The following AIRIM variants were observed in gnomAD, a reference collection of about 807,000 sequenced individuals.
AIRIM encodes the protein AFG2-interacting ribosome maturation factor.
At chr1:37,687,421 C>T in the AIRIM span, among the ~76,000 whole-genome samples, 2 of 151,204 alleles carry the variant, frequency 1.3e-5, no homozygotes, top group Non-Finnish European at 2.9e-5. Flanking sequence ...CATGAGCCAC[C>T]GTGCCCAGCT....
chr1:37,687,382 T>A, the AIRIM span, among the ~76,000 whole-genome samples: 13 of 151,672 alleles, frequency 8.6e-5, no homozygotes, highest in South Asian at 2.5e-3. Context: ...TCCACCTACC[T>A]CGGCCTCCCA....
chr1:37,683,487 GA>G, the AIRIM span: 14 of 1,563,222 alleles, frequency 9.0e-6, no homozygotes, highest in Middle Eastern at 1.7e-4. Flanking sequence ...ATGCTGAAGT[GA>G]AAAAAAACAC....
the AIRIM span, chr1:37,690,482 G>A: frequency 7.2e-6 from 9 of 1,247,004 alleles, no homozygotes; most frequent in Non-Finnish European, 9.3e-6. Context: ...GCCAAAGCGT[G>A]AGAACCCTCC....
the AIRIM span, among the ~76,000 whole-genome samples, chr1:37,684,371 C>T: frequency 5.3e-5 from 8 of 152,102 alleles, no homozygotes; most frequent in African/African-American, 1.2e-4. Flanking sequence ...CGCGGTGGCT[C>T]GAGCCTGTAA....
At chr1:37,686,707 C>T in the AIRIM span, among the ~76,000 whole-genome samples, 1 of 152,166 alleles carries the variant, frequency 6.6e-6, no homozygotes, top group Admixed American at 6.5e-5. Context: ...CATAGAAAAA[C>T]CATCTCCAAT....
chr1:37,683,429 T>C, the AIRIM span: 1 of 1,613,616 alleles, frequency 6.2e-7, no homozygotes, highest in Non-Finnish European at 8.5e-7. Context: ...ATACTTTCTC[T>C]TCAGGTACCT....
chr1:37,686,528 G>T, the AIRIM span: 1 of 1,407,690 alleles, frequency 7.1e-7, no homozygotes, highest in Non-Finnish European at 9.7e-7. Flanking sequence ...TGGCACTACT[G>T]ATATTTTGGA....
At chr1:37,686,986 G>T in the AIRIM span, among the ~76,000 whole-genome samples, 1 of 151,686 alleles carries the variant, frequency 6.6e-6, no homozygotes, top group Admixed American at 6.6e-5. Flanking sequence ...GAACCCAGAG[G>T]CAGAGGTTGC....
At chr1:37,689,786 A>C in the AIRIM span, 1 of 1,613,120 alleles carries the variant, frequency 6.2e-7, no homozygotes, top group Non-Finnish European at 8.5e-7. Flanking sequence ...GCAGTCCCGC[A>C]GGGCACTCTG....
At chr1:37,688,852 G>C in the AIRIM span, among the ~76,000 whole-genome samples, 4 of 151,882 alleles carry the variant, frequency 2.6e-5, no homozygotes, top group African/African-American at 9.7e-5. Flanking sequence ...TGTTGTCCCA[G>C]GTACTTGGGG....
At chr1:37,683,318 C>A in the AIRIM span, 2 of 1,614,010 alleles carry the variant, frequency 1.2e-6, no homozygotes, top group Non-Finnish European at 1.7e-6. Context: ...CAAACCAGTA[C>A]CTTGTACAAG....
the AIRIM span, among the ~76,000 whole-genome samples, chr1:37,684,796 T>C: frequency 2.0e-5 from 3 of 151,936 alleles, no homozygotes; most frequent in South Asian, 4.2e-4. Context: ...ACAAGAAAAG[T>C]TGGGGTTTGG....
the AIRIM span, chr1:37,686,378 G>A: frequency 6.2e-7 from 1 of 1,614,154 alleles, no homozygotes; most frequent in South Asian, 1.1e-5. Context: ...AACTGTGTCT[G>A]CGTGTTGCTC....
chr1:37,686,346 G>C, the AIRIM span: 1 of 1,614,094 alleles, frequency 6.2e-7, no homozygotes, highest in Non-Finnish European at 8.5e-7. Flanking sequence ...ACTGCTGAAG[G>C]CTGCAGGACA....
At chr1:37,688,081 G>C in the AIRIM span, among the ~76,000 whole-genome samples, 1 of 151,476 alleles carries the variant, frequency 6.6e-6, no homozygotes, top group Non-Finnish European at 1.5e-5. Context: ...TTTTGAGACA[G>C]AGTCTTGCTC....
the AIRIM span, chr1:37,690,312 G>A: frequency 7.7e-7 from 1 of 1,290,928 alleles, no homozygotes. Context: ...GGAGACCCTG[G>A]TTTCCCCTCG....
At chr1:37,687,114 AGTTTTT>A in the AIRIM span, among the ~76,000 whole-genome samples, 6 of 132,098 alleles carry the variant, frequency 4.5e-5, no homozygotes, top group Admixed American at 7.7e-5. Context: ...GTGTGTGTAT[AGTTTTT>A]GTTTTTGTTT....
At chr1:37,682,928 C>T in the AIRIM span, 4 of 605,712 alleles carry the variant, frequency 6.6e-6, no homozygotes, top group South Asian at 2.0e-5. Context: ...ATACTCTCAG[C>T]CACGGCCTGG....
At chr1:37,689,954 A>T in the AIRIM span, 5 of 1,475,314 alleles carry the variant, frequency 3.4e-6, no homozygotes, top group Non-Finnish European at 4.5e-6. Flanking sequence ...CACTGGGTCG[A>T]GGGTGGGCGT....
Sources: gnomAD v4.1 joint callset for allele counts (sites outside exome capture counted in the v4.1 genomes callset) on GRCh38, gnomAD v4.1.1 for gene constraint, MANE v1.5 for transcripts, NCBI Gene and HGNC (gene_info 2026-07-23, HGNC 2026-07-21) for gene names.